Variants in ST8SIA4 observed in about 807,000 individuals in gnomAD.
ST8SIA4 encodes ST8 alpha-N-acetyl-neuraminide alpha-2,8-sialyltransferase 4, also known as CMP-N-acetylneuraminate-poly-alpha-2,8-sialyltransferase.
ST8SIA4 carries 15 observed loss-of-function variants against 33.9 expected under a neutral mutation model. The ratio of observed to expected loss-of-function variants is 0.44; its 90% CI spans 0.30 to 0.68. The LOEUF (loss-of-function observed/expected upper bound fraction) is 0.68, where lower values mean the gene tolerates loss of function less well. Among genes scored for constraint, ST8SIA4 ranks in the 30% least tolerant of loss-of-function variants. The pLI, the probability that ST8SIA4 is intolerant of heterozygous loss-of-function variation, is 0.10. For missense variants in ST8SIA4, 321 were observed against 428.0 expected, an observed-to-expected ratio of 0.75 and a Z score of 2.21; for synonymous variants, 171 against 151.2, an observed-to-expected ratio of 1.13 and a Z score of -0.96.
chr5:100,886,114 C>T, intron 3 of ST8SIA4: 2 of 1,288,266 alleles, frequency 1.6e-6, no homozygotes, highest in Non-Finnish European at 2.0e-6. Flanking sequence ...CCAAAAAAAG[C>T]TGTGTGAATC....
At chr5:100,855,775 T>C (rs1451084234) in intron 4 of ST8SIA4, among the ~76,000 whole-genome samples, 2 of 152,182 alleles carry the variant, frequency 1.3e-5, no homozygotes, top group Admixed American at 6.5e-5. Flanking sequence ...TCAGCACTTC[T>C]GTTGTAGTTT....
rs1752543973 is a variant in ST8SIA4, at chr5:100,886,621, A to G, written c.246-21T>C. The G allele has an allele frequency of 1.9e-6, 3 of 1,583,922 alleles. No homozygotes were observed. In the South Asian group the frequency reaches 3.3e-5, roughly 18 times the overall value. On this transcript the variant is annotated intron_variant, in intron 2 of 4. Coordinates refer to ENST00000231461, the MANE Select transcript of ST8SIA4 (RefSeq NM_005668.6). ...TCTTCCTGTATTTGAAATACAAGCA[A>G]AGTTTTACATTACCATCAGCATATC... is the stretch of plus-strand genomic sequence containing the variant.
intron 2 of ST8SIA4, 58 bp downstream of exon 2, chr5:100,895,596 G>A: frequency 6.4e-7 from 1 of 1,551,144 alleles, no homozygotes; most frequent in South Asian, 1.2e-5. Flanking sequence ...AGTTTGCCAA[G>A]CCCAACGTAT....
At chr5:100,870,647 A>T (rs1397123329) in intron 3 of ST8SIA4, among the ~76,000 whole-genome samples, 1 of 152,142 alleles carries the variant, frequency 6.6e-6, no homozygotes, top group East Asian at 1.9e-4. Context: ...TCCATTTTTT[A>T]AAATTTTTAC....
In ST8SIA4 at chr5:100,808,338, A is replaced by T. The variant is rs1391398606; in HGVS notation, c.*3509T>A. On this transcript the variant is annotated 3_prime_UTR_variant, in exon 5 of 5. Transcript: ENST00000231461. ...ACATGAACACATTTGAATGCCCAGC[A>T]CCTTCTTTCAGATAGAAAAACTTCC... 3 of 152,654 alleles carry T rather than the reference A, an allele frequency of 2.0e-5. No individual in the cohort carries two copies. The highest frequency in any genetic ancestry group is 7.2e-5 in the African/African-American group (3 of 41,456). 9.5% of individuals were successfully genotyped at this position (152,654 alleles called of 1,614,324 possible). A position where few individuals can be genotyped will look rare whatever the true frequency, so the allele number is the denominator to read the frequency against.
Position 100,886,031 on chromosome 5 carries a change from G to A in ST8SIA4, c.503+312C>T, listed in dbSNP as rs1012724245. The A allele has an allele frequency of 3.7e-6, 4 of 1,075,124 alleles. No individual in the cohort carries two copies. In the African/African-American group the frequency reaches 6.7e-5, roughly 18 times the overall value. 66.6% of individuals were successfully genotyped at this position (1,075,124 alleles called of 1,614,324 possible). On this transcript the variant is annotated intron_variant, in intron 3 of 4. Transcript: ENST00000231461. ...ACACAAAACTAATGAGTATGAAGAAGAGATACTAAGAAAAAAGTTTGTGTG... is the reference window on the plus strand; with the variant it reads ...ACACAAAACTAATGAGTATGAAGAAAAGATACTAAGAAAAAAGTTTGTGTG...
intron 3 of ST8SIA4, among the ~76,000 whole-genome samples, chr5:100,875,126 T>C (rs1752278120): frequency 6.6e-6 from 1 of 152,186 alleles, no homozygotes; most frequent in Non-Finnish European, 1.5e-5. Flanking sequence ...GAACTGTATG[T>C]AAAGTCTAAA....
At chr5:100,877,826 C>T (rs1246724240) in intron 3 of ST8SIA4, among the ~76,000 whole-genome samples, 2 of 152,128 alleles carry the variant, frequency 1.3e-5, no homozygotes, top group Non-Finnish European at 2.9e-5. Context: ...TATGGTCACA[C>T]TCTCCACCTA....
chr5:100,889,884 A>T (rs1210532590), intron 2 of ST8SIA4, among the ~76,000 whole-genome samples: 1 of 151,934 alleles, frequency 6.6e-6, no homozygotes, highest in Non-Finnish European at 1.5e-5. Flanking sequence ...ATTTCAAAAC[A>T]GAAAAGACTA....
Position 100,840,679 on chromosome 5 carries a change from C to T in ST8SIA4, c.797+15424G>A, listed in dbSNP as rs369875156. 6.6e-5 allele frequency among the ~76,000 whole-genome samples: 10 copies of T among 151,866 alleles called. No individual in the cohort carries two copies. In the South Asian group the frequency reaches 1.0e-3, roughly 16 times the overall value. The stretch of plus-strand genomic sequence containing the variant: ...GATGAATGCCTATATTATCTCCTGA[C>T]TAGCCCATAACATTTTTGGAGCTTT... On this transcript the variant is annotated intron_variant, in intron 4 of 4. Coordinates refer to ENST00000231461, the MANE Select transcript of ST8SIA4 (RefSeq NM_005668.6).
chr5:100,863,030 A>G (rs1751980836), intron 3 of ST8SIA4, among the ~76,000 whole-genome samples: 1 of 152,136 alleles, frequency 6.6e-6, no homozygotes, highest in South Asian at 2.1e-4. Context: ...GTTGAACCTC[A>G]TGTTTGGTCT....
At chr5:100,863,045 G>A (rs1751981140) in intron 3 of ST8SIA4, among the ~76,000 whole-genome samples, 1 of 152,182 alleles carries the variant, frequency 6.6e-6, no homozygotes, top group Admixed American at 6.5e-5. Flanking sequence ...TGGTCTGAAA[G>A]TCTGATTGGC....
chr5:100,856,535 A>G, intron 3 of ST8SIA4, 139 bp from the exon 4 acceptor site: 2 of 805,664 alleles, frequency 2.5e-6, no homozygotes, highest in Middle Eastern at 3.7e-4. Context: ...TCTACTTGGT[A>G]AGATTACATT....
intron 2 of ST8SIA4, among the ~76,000 whole-genome samples, chr5:100,893,283 C>T (rs1752711989): frequency 6.6e-6 from 1 of 152,050 alleles, no homozygotes; most frequent in African/African-American, 2.4e-5. Context: ...ACTCACTAGT[C>T]ATTTCTGCTA....
intron 2 of ST8SIA4, among the ~76,000 whole-genome samples, chr5:100,888,436 A>C (rs544217193): frequency 8.7e-4 from 133 of 152,092 alleles, no homozygotes; most frequent in African/African-American, 3.1e-3. Flanking sequence ...TAGGGGATAT[A>C]CAACATAATA....
chr5:100,892,469 T>C (rs1752693255), intron 2 of ST8SIA4, among the ~76,000 whole-genome samples: 1 of 152,080 alleles, frequency 6.6e-6, no homozygotes, highest in Non-Finnish European at 1.5e-5. Flanking sequence ...TCATAGACAA[T>C]TGCATAGAAG....
At chr5:100,830,738 C>T (rs566936375) in intron 4 of ST8SIA4, among the ~76,000 whole-genome samples, 2 of 152,244 alleles carry the variant, frequency 1.3e-5, no homozygotes, top group African/African-American at 4.8e-5. Flanking sequence ...GATATTATTT[C>T]AAATGGTTGC....
At chr5:100,837,693 A>G (rs747094183) in intron 4 of ST8SIA4, among the ~76,000 whole-genome samples, 9 of 151,934 alleles carry the variant, frequency 5.9e-5, no homozygotes, top group South Asian at 4.1e-4. Context: ...AAATCAGCAA[A>G]TGCTATAAAT....
intron 4 of ST8SIA4, among the ~76,000 whole-genome samples, chr5:100,838,120 A>G (rs990922839): frequency 2.0e-5 from 3 of 152,018 alleles, no homozygotes; most frequent in African/African-American, 7.2e-5. Context: ...AAAGCGGTAC[A>G]TGGGACTGTG....
Sources: gnomAD v4.1 joint callset for allele counts (sites outside exome capture counted in the v4.1 genomes callset) on GRCh38, gnomAD v4.1.1 for gene constraint, MANE v1.5 for transcripts, NCBI Gene and HGNC (gene_info 2026-07-23, HGNC 2026-07-21) for gene names.